Variants in DLG2 observed in about 807,000 individuals in gnomAD.
DLG2 encodes disks large homolog 2.
Under a neutral mutation model 132.5 loss-of-function variants are expected in DLG2, and 45 were observed. The observed-to-expected ratio is 0.34, with a 90% confidence interval of 0.27 to 0.44. The LOEUF is 0.44. Ranked by LOEUF, DLG2 falls within the 20% of genes least tolerant of loss-of-function variation. The pLI, the probability that DLG2 is intolerant of heterozygous loss-of-function variation, is 1.00. For missense variants in DLG2, 1,045 were observed against 1,196.9 expected, an observed-to-expected ratio of 0.87 and a Z score of 1.87; for synonymous variants, 424 against 419.6, an observed-to-expected ratio of 1.01 and a Z score of -0.13.
chr11:85,331,263 T>C (rs1454186506), intron 3 of DLG2, among the ~76,000 whole-genome samples: 1 of 152,114 alleles, frequency 6.6e-6, no homozygotes, highest in East Asian at 1.9e-4. Flanking sequence ...AATATGTAAA[T>C]AGACGCCCTA....
intron 6 of DLG2, among the ~76,000 whole-genome samples, chr11:84,894,576 T>A (rs2089925732): frequency 6.6e-6 from 1 of 152,128 alleles, no homozygotes; most frequent in East Asian, 1.9e-4. Context: ...AACTCTACAT[T>A]CTTGTTCCAG....
intron 18 of DLG2, among the ~76,000 whole-genome samples, chr11:83,717,380 T>C (rs776907938): frequency 6.6e-6 from 1 of 152,198 alleles, no homozygotes; most frequent in Non-Finnish European, 1.5e-5. Context: ...TCCTAGATAT[T>C]AATGCAGATG....
At chr11:85,213,721 C>G (rs1470597891) in intron 4 of DLG2, among the ~76,000 whole-genome samples, 3 of 152,132 alleles carry the variant, frequency 2.0e-5, no homozygotes, top group Non-Finnish European at 4.4e-5. Flanking sequence ...CAGTTGATTT[C>G]TAGGAGATTC....
chr11:83,914,438 G>C (rs2076585460), intron 15 of DLG2, among the ~76,000 whole-genome samples: 1 of 152,100 alleles, frequency 6.6e-6, no homozygotes, highest in Non-Finnish European at 1.5e-5. Flanking sequence ...AATGGACCAA[G>C]ACACAGAGAT....
intron 11 of DLG2, among the ~76,000 whole-genome samples, chr11:84,021,850 C>T (rs947083917): frequency 1.4e-4 from 21 of 151,814 alleles, no homozygotes; most frequent in African/African-American, 1.2e-4. Context: ...CGGGTTCAAG[C>T]GATTCTCCTG....
chr11:84,852,104 A>C (rs1376656080), intron 6 of DLG2, among the ~76,000 whole-genome samples: 1 of 152,030 alleles, frequency 6.6e-6, no homozygotes, highest in East Asian at 1.9e-4. Flanking sequence ...TCAATGGGTG[A>C]GCCTACCTGC....
intron 6 of DLG2, among the ~76,000 whole-genome samples, chr11:84,959,713 A>G (rs541191748): frequency 2.0e-5 from 3 of 152,350 alleles, no homozygotes; most frequent in Admixed American, 6.5e-5. Context: ...TTAATCACTT[A>G]TTTAATTGCG....
intron 6 of DLG2, among the ~76,000 whole-genome samples, chr11:84,620,797 G>C (rs2099612507): frequency 6.6e-6 from 1 of 152,062 alleles, no homozygotes; most frequent in South Asian, 2.1e-4. Flanking sequence ...AATTTGACAT[G>C]ATCTTGTCAA....
chr11:85,194,255 C>T (rs908611550), intron 4 of DLG2, among the ~76,000 whole-genome samples: 5 of 152,146 alleles, frequency 3.3e-5, no homozygotes, highest in Admixed American at 2.0e-4. Flanking sequence ...GAGAGATGTA[C>T]AGCTTACTTT....
rs61376199 is a variant in DLG2 at position 85,179,337 on chromosome 11, A to G, written c.187-24686T>C. On this transcript the variant is annotated intron_variant, in intron 4 of 27. Coordinates refer to ENST00000376104, the MANE Select transcript of DLG2 (RefSeq NM_001142699.3). ...AAAGGACGTACTTCAGCAAAAAGAAAAATAAACTCAGAGGAATATCTAAGT... is the reference window on the plus strand; with the variant it reads ...AAAGGACGTACTTCAGCAAAAAGAAGAATAAACTCAGAGGAATATCTAAGT... Among the ~76,000 whole-genome samples the G allele has an allele frequency of 2.0e-4, 30 of 152,010 alleles. 1 individual carries two copies. Among genetic ancestry groups the G allele is most frequent in the African/African-American group, 7.0e-4 (29 of 41,550 alleles).
intron 8 of DLG2, among the ~76,000 whole-genome samples, chr11:84,235,630 T>A (rs1331718956): frequency 2.0e-5 from 3 of 152,202 alleles, no homozygotes; most frequent in Non-Finnish European, 4.4e-5. Flanking sequence ...TCTCGAACAA[T>A]GTGTTTCTCT....
intron 7 of DLG2, among the ~76,000 whole-genome samples, chr11:84,364,437 A>G (rs2098669581): frequency 6.6e-6 from 1 of 152,144 alleles, no homozygotes; most frequent in Non-Finnish European, 1.5e-5. Flanking sequence ...TTCTAGATAT[A>G]CAATCATGTC....
chr11:85,466,505 T>C (rs949155220), intron 3 of DLG2, among the ~76,000 whole-genome samples: 1 of 152,196 alleles, frequency 6.6e-6, no homozygotes, highest in African/African-American at 2.4e-5. Flanking sequence ...AAGGGAGGGA[T>C]CCAGTTTCAG....
chr11:85,603,651 C>T (rs866218338), intron 2 of DLG2, among the ~76,000 whole-genome samples: 8 of 151,840 alleles, frequency 5.3e-5, no homozygotes, highest in Non-Finnish European at 8.8e-5. Context: ...CACGGTGGCT[C>T]ACACCTATAA....
At chr11:84,354,607 C>T (rs1451266964) in intron 7 of DLG2, among the ~76,000 whole-genome samples, 1 of 151,998 alleles carries the variant, frequency 6.6e-6, no homozygotes, top group Non-Finnish European at 1.5e-5. Flanking sequence ...AGAAGTGTTG[C>T]CTTTAGAAGT....
At chr11:84,710,996 T>TTATA in intron 6 of DLG2, among the ~76,000 whole-genome samples, 1 of 96,876 alleles carries the variant, frequency 1.0e-5, no homozygotes, top group Non-Finnish European at 2.0e-5. Context: ...ACAAGTACAT[T>TTATA]CATATATATA....
At chr11:84,298,098 C>T (rs958670713) in intron 7 of DLG2, among the ~76,000 whole-genome samples, 7 of 152,094 alleles carry the variant, frequency 4.6e-5, no homozygotes, top group African/African-American at 1.7e-4. Context: ...TATTTGTCTA[C>T]TTGTTAACTT....
intron 21 of DLG2, among the ~76,000 whole-genome samples, chr11:83,499,895 A>ATATATATATATCTATCTATCTATC (rs1296866569): frequency 2.6e-5 from 3 of 114,552 alleles, no homozygotes; most frequent in African/African-American, 1.0e-4. Flanking sequence ...ATATATATAT[A>ATATATATATATCTATCTATCTATC]TATCAGTTCT....
At chr11:84,396,008 C>T (rs993237795) in intron 7 of DLG2, among the ~76,000 whole-genome samples, 2 of 152,186 alleles carry the variant, frequency 1.3e-5, no homozygotes, top group African/African-American at 4.8e-5. Context: ...CATTACGAGG[C>T]ATCAAACAAT....
Sources: allele counts gnomAD v4.1 joint callset (sites outside exome capture counted in the v4.1 genomes callset), GRCh38; gene constraint gnomAD v4.1.1; transcripts MANE v1.5; gene names NCBI Gene and HGNC (gene_info 2026-07-23, HGNC 2026-07-21).